The following ASGR1 variants were observed in gnomAD, a reference collection of about 807,000 sequenced individuals.
ASGR1 encodes asialoglycoprotein receptor 1, also known as C-type lectin domain family 4 member H1.
ASGR1 carries 35 observed loss-of-function variants against 33.1 expected under a neutral mutation model. The ratio of observed to expected loss-of-function variants is 1.06; its 90% CI spans 0.81 to 1.40. ASGR1 has a LOEUF of 1.40. ASGR1 is among the 40% of genes most tolerant of loss of function. The pLI is 0.00. For synonymous variants in ASGR1, 142 were observed against 152.5 expected (o/e 0.93, Z 0.51); for missense variants, 396 against 373.7 (o/e 1.06, Z -0.49).
chr17:7,174,392 C>A lies in ASGR1; in HGVS notation c.424G>T (p.Ala142Ser). Residue 142 changes from alanine to serine, a missense_variant, in exon 6 of 9, where the codon GCG becomes TCG. Physicochemically the swap from Ala to Ser is moderately conservative, Grantham distance 99. Coordinates refer to ENST00000269299, the MANE Select transcript of ASGR1 (RefSeq NM_001671.5). The part of the protein sequence containing the change: ...SDLRSLSCQM[A>S]ALQGNGSERT... ...TCCTTACCATTGCCCTGGAGCGCCGCCATCTGACAGCTCAGGCTCCGCAGG... is the reference window on the plus strand; with the variant it reads ...TCCTTACCATTGCCCTGGAGCGCCGACATCTGACAGCTCAGGCTCCGCAGG... 1 of 1,613,996 alleles carries A rather than the reference C, an allele frequency of 6.2e-7. No homozygotes were observed. Among genetic ancestry groups the A allele is most frequent in the Non-Finnish European group, 8.5e-7 (1 of 1,179,958 alleles).
chr17:7,173,917 C>T lies in ASGR1; in HGVS notation c.701+44G>A, dbSNP rs778085799. On this transcript the variant is annotated intron_variant, in intron 8 of 8. Transcript: ENST00000269299. This position sits in a 1 kb window ranked among gnomAD's most constrained non-coding sequence, Gnocchi z 4.7. Reference sequence around the variant, plus strand: ...GACTCCTCAGCCCAGGGCCCCAGGGCGCGAAGGCGGCCGGACCCAGGCCGA... The same window carrying T: ...GACTCCTCAGCCCAGGGCCCCAGGGTGCGAAGGCGGCCGGACCCAGGCCGA... The T allele has an allele frequency of 6.2e-7, 1 of 1,612,262 alleles. No homozygotes were observed. Among genetic ancestry groups the T allele is most frequent in the Non-Finnish European group, 8.5e-7 (1 of 1,179,416 alleles).
chr17:7,178,464 C>T (rs757413548), intron 2 of ASGR1, 30 bp downstream of exon 2: 29 of 1,609,380 alleles, frequency 1.8e-5, no homozygotes, highest in Non-Finnish European at 2.3e-5. Context: ...AAATTCTCGC[C>T]TTGCAGAGGC....
intron 5 of ASGR1, 124 bp from the exon 6 acceptor site, chr17:7,174,584 G>T: frequency 1.0e-6 from 1 of 972,542 alleles, no homozygotes; most frequent in Non-Finnish European, 1.6e-6. Context: ...GCCACAAACA[G>T]CAGCGGAGTT....
At chr17:7,177,153 A>G in intron 3 of ASGR1, 57 bp downstream of exon 3, 1 of 1,612,762 alleles carries the variant, frequency 6.2e-7, no homozygotes, top group Non-Finnish European at 8.5e-7. Context: ...CTCCCTTGCC[A>G]CGGTCCCCCG....
chr17:7,176,378 ACACT>A lies in ASGR1; in HGVS notation c.355+448_355+451del, dbSNP rs564558705. On this transcript the variant is annotated intron_variant, in intron 5 of 8. Coordinates refer to ENST00000269299, the MANE Select transcript of ASGR1 (RefSeq NM_001671.5). The stretch of plus-strand genomic sequence containing the variant: ...GACACACACACCCCATCTCATTCTT[ACACT>A]CAGACTCACACACACCTCATTATCA... Among the ~76,000 whole-genome samples, 214 of 144,616 alleles carry A rather than the reference ACACT, an allele frequency of 1.5e-3. 1 individual carries two copies. Among genetic ancestry groups the A allele is most frequent in the East Asian group, 8.5e-3 (40 of 4,698 alleles). The allele number at this position is 144,616 out of a possible 152,430, so 94.9% of individuals were successfully genotyped here. A position where few individuals can be genotyped will look rare whatever the true frequency, so the allele number is the denominator to read the frequency against.
At position 7,177,019 on chromosome 17, in the gene ASGR1, G is replaced by T. The variant is rs780965322; in HGVS notation, c.245C>A (p.Ala82Glu). The change falls in exon 4 of 9, where the codon GCG (alanine) becomes GAG (glutamate). Residue 82 changes from alanine to glutamate, a missense_variant. By Grantham distance (107) the Ala-to-Glu change is moderately radical. Coordinates refer to ENST00000269299, the MANE Select transcript of ASGR1 (RefSeq NM_001671.5). ...GLRETFSNFT[A>E]STEAQVKGLS... Reference sequence around the variant, plus strand: ...GCCCTTGACCTGGGCCTCCGTGCTCGCTGTGAAGTTGCTGAACGTCTCTCT... The same window carrying T: ...GCCCTTGACCTGGGCCTCCGTGCTCTCTGTGAAGTTGCTGAACGTCTCTCT... 6 of 1,611,860 alleles carry T rather than the reference G, an allele frequency of 3.7e-6. No individual in the cohort carries two copies. Among genetic ancestry groups the T allele is most frequent in the East Asian group, 2.2e-5 (1 of 44,790 alleles).
chr17:7,175,860 TC>T (rs2069194845), intron 5 of ASGR1, among the ~76,000 whole-genome samples: 1 of 99,842 alleles, frequency 1.0e-5, no homozygotes. Flanking sequence ...TCACACACAC[TC>T]CCACTCCTCA....
intron 5 of ASGR1, among the ~76,000 whole-genome samples, chr17:7,175,006 TCA>T (rs1407420126): frequency 8.0e-6 from 1 of 124,328 alleles, no homozygotes; most frequent in Non-Finnish European, 1.7e-5. Context: ...ACACCCTAAC[TCA>T]CATACACACT....
Position 7,173,748 on chromosome 17 carries a change from G to T in ASGR1, c.787C>A (p.Arg263Ser). ...EDCAHFTDDG[R>S]WNDDVCQRPY... is the part of the protein sequence containing the mutation. ...CTCTGGCAGACGTCGTCGTTCCAGC[G>T]GCCGTCGTCGGTGAAGTGGGCACAG... The change falls in exon 9 of 9, where the codon CGC (arginine) becomes AGC (serine). Residue 263 changes from arginine to serine, a missense_variant. Coordinates refer to ENST00000269299, the MANE Select transcript of ASGR1 (RefSeq NM_001671.5). The surrounding 1 kb of genome is among the most constrained non-coding windows in gnomAD (Gnocchi z 4.7). The T allele has an allele frequency of 6.2e-7, 1 of 1,613,668 alleles. No homozygotes were observed. Among genetic ancestry groups the T allele is most frequent in the Non-Finnish European group, 8.5e-7 (1 of 1,180,016 alleles).
chr17:7,173,527 G>C lies in ASGR1; in HGVS notation c.*132C>G, dbSNP rs751192510. ...CACGGGTTTCAAGCTCCTCACCTTC[G>C]GAACATCACCCTATCCTTCCCCTTC... On this transcript the variant is annotated 3_prime_UTR_variant, in exon 9 of 9. Transcript: ENST00000269299. This position sits in a 1 kb window ranked among gnomAD's most constrained non-coding sequence, Gnocchi z 4.7. 2.3e-6 allele frequency: 3 copies of C among 1,277,846 alleles called. No homozygotes were observed. In the Admixed American group the frequency reaches 7.2e-5, roughly 30 times the overall value. 79.2% of individuals were successfully genotyped at this position (1,277,846 alleles called of 1,614,324 possible).
intron 2 of ASGR1, chr17:7,178,148 C>T (rs2069238367): frequency 3.0e-6 from 1 of 333,434 alleles, no homozygotes; most frequent in Non-Finnish European, 5.7e-6. Flanking sequence ...GACCGGGGTC[C>T]CTGGGTGGTG....
chr17:7,176,718 ACTCC>A, intron 5 of ASGR1, 108 bp downstream of exon 5: 1 of 1,442,926 alleles, frequency 6.9e-7, no homozygotes, highest in South Asian at 1.2e-5. Flanking sequence ...ACACACACAC[ACTCC>A]CTCTCATTCT....
Position 7,177,062 on chromosome 17 carries a change from C to T in ASGR1, c.202G>A (p.Glu68Lys), listed in dbSNP as rs867461476. 2 of 1,613,856 alleles carry T rather than the reference C, an allele frequency of 1.2e-6. No individual in the cohort carries two copies. Among genetic ancestry groups the T allele is most frequent in the Non-Finnish European group, 1.7e-6 (2 of 1,180,004 alleles). The change falls in exon 4 of 9, where the codon GAG becomes AAG. Residue 68 changes from glutamate (E) to lysine (K), a missense_variant. Coordinates refer to ENST00000269299, the MANE Select transcript of ASGR1 (RefSeq NM_001671.5). The part of the protein sequence containing the change: ...VIGSQNSQLQ[E>K]ELRGLRETFS... ...GTCTCTCTCAGGCCCCGCAGCTCCTCCTGCAGCTGGGAGTCTGGCCAGGAC... is the reference window on the plus strand; with the variant it reads ...GTCTCTCTCAGGCCCCGCAGCTCCTTCTGCAGCTGGGAGTCTGGCCAGGAC...
At chr17:7,179,139 C>CGCACCCCT (rs1037479572) in intron 1 of ASGR1, 51 bp downstream of exon 1, 4 of 152,934 alleles carry the variant, frequency 2.6e-5, no homozygotes, top group Non-Finnish European at 4.4e-5. Context: ...GGGTTCCCTC[C>CGCACCCCT]GCACCCCTGC....
intron 6 of ASGR1, 27 bp from the exon 7 acceptor site, chr17:7,174,316 G>A: frequency 1.2e-6 from 2 of 1,613,682 alleles, no homozygotes; most frequent in African/African-American, 1.3e-5. Flanking sequence ...GGGCGCAGGG[G>A]CTAAGCGCTG....
At chr17:7,175,622 AAC>A (rs368535446) in intron 5 of ASGR1, among the ~76,000 whole-genome samples, 2,532 of 151,150 alleles carry the variant, frequency 0.017, 85 homozygotes, top group African/African-American at 0.057. Flanking sequence ...GCAACACACT[AAC>A]ACACACGTTC....
Position 7,173,660 on chromosome 17 carries a change from TA to T in ASGR1, c.874del (p.Ter292AsnfsTer41). The T allele has an allele frequency of 6.2e-7, 1 of 1,612,878 alleles. No homozygotes were observed. The highest frequency in any genetic ancestry group is 8.5e-7 in the Non-Finnish European group (1 of 1,179,968). ...AGGTCGAGGCATTGAAGAAATAAAT[TA>T]AAGGAGAGGTGGCTCCTGGCTGGCC... is the stretch of plus-strand genomic sequence containing the variant. ...DKASQEPPLL[*>X] On this transcript the variant is annotated frameshift_variant and stop_lost, in exon 9 of 9. Transcript: ENST00000269299. LOFTEE classifies it high-confidence loss of function. The surrounding 1 kb of genome is among the most constrained non-coding windows in gnomAD (Gnocchi z 4.7).
chr17:7,174,344 G>A (rs780843328), intron 6 of ASGR1, 30 bp downstream of exon 6: 53 of 1,613,700 alleles, frequency 3.3e-5, no homozygotes, highest in Non-Finnish European at 4.4e-5. Context: ...AAGGGGGGAG[G>A]CAGAGAGCGG....
In ASGR1 at chr17:7,174,059, G is replaced by A; in HGVS notation, c.603C>T (p.Val201=). Reference sequence around the variant, plus strand: ...TGTTCACAGGGCCTATGTGGTGCTGGACAAATTTCTGAGGAGAGAGAAGGC... The same window carrying A: ...TGTTCACAGGGCCTATGTGGTGCTGAACAAATTTCTGAGGAGAGAGAAGGC... ...VVTSWEEQKF[V]QHHIGPVNTW... Residue 201 remains valine, a synonymous_variant, in exon 8 of 9, where the codon GTC becomes GTT. Coordinates refer to ENST00000269299, the MANE Select transcript of ASGR1 (RefSeq NM_001671.5). 6.2e-7 allele frequency: 1 copy of A among 1,614,230 alleles called. No individual in the cohort carries two copies. The highest frequency in any genetic ancestry group is 8.5e-7 in the Non-Finnish European group (1 of 1,180,022).
Sources: gnomAD v4.1 joint callset for allele counts (sites outside exome capture counted in the v4.1 genomes callset) on GRCh38, gnomAD v4.1.1 for gene constraint, Gnocchi (gnomAD v3.1) non-coding constraint, MANE v1.5 for transcripts, NCBI Gene and HGNC (gene_info 2026-07-23, HGNC 2026-07-21) for gene names.